ANGPT1: variants seen among roughly 807,000 people sequenced by gnomAD.
ANGPT1 encodes the protein angiopoietin 1.
ANGPT1 carries 17 observed loss-of-function variants against 62.2 expected under a neutral mutation model. The ratio of observed to expected loss-of-function variants is 0.27; its 90% confidence interval spans 0.19 to 0.41. ANGPT1 has a LOEUF of 0.41. Ranked by LOEUF, ANGPT1 falls within the 10% of genes least tolerant of loss-of-function variation. ANGPT1 has a pLI of 1.00. For synonymous variants in ANGPT1, 199 were observed against 198.9 expected (o/e 1.00, Z 0.00); for missense variants, 478 against 594.9 (o/e 0.80, Z 2.04).
chr8:107,468,552 C>T (rs78384780), intron 1 of ANGPT1, among the ~76,000 whole-genome samples: 5,677 of 151,828 alleles, frequency 0.037, 154 homozygotes, highest in South Asian at 0.11. Context: ...ATATTAATAG[C>T]CAGATTAATA....
At chr8:107,279,683 A>C (rs1813951721) in intron 7 of ANGPT1, among the ~76,000 whole-genome samples, 1 of 151,692 alleles carries the variant, frequency 6.6e-6, no homozygotes, top group East Asian at 1.9e-4. Context: ...CATATCTTGA[A>C]TTTTTCCAAA....
At chr8:107,427,492 C>T (rs1458808343) in intron 1 of ANGPT1, among the ~76,000 whole-genome samples, 1 of 152,200 alleles carries the variant, frequency 6.6e-6, no homozygotes, top group African/African-American at 2.4e-5. Context: ...AGACGCTCTC[C>T]TGAAGATGCT....
At chr8:107,275,401 T>G (rs1813840760) in intron 7 of ANGPT1, among the ~76,000 whole-genome samples, 1 of 152,114 alleles carries the variant, frequency 6.6e-6, no homozygotes. Flanking sequence ...TAATCCCTCT[T>G]CTACCCCCAT....
intron 1 of ANGPT1, among the ~76,000 whole-genome samples, chr8:107,444,702 G>A (rs902206108): frequency 1.3e-5 from 2 of 152,066 alleles, no homozygotes; most frequent in African/African-American, 2.4e-5. Context: ...CTATCTACAG[G>A]TTCAGGCATC....
At chr8:107,317,819 T>C (rs1189179772) in intron 4 of ANGPT1, among the ~76,000 whole-genome samples, 1 of 151,912 alleles carries the variant, frequency 6.6e-6, no homozygotes, top group East Asian at 1.9e-4. Flanking sequence ...TTAGTAGAGA[T>C]GGGGTTTCAC....
chr8:107,389,435 A>G (rs539851270), intron 1 of ANGPT1, among the ~76,000 whole-genome samples: 1 of 152,218 alleles, frequency 6.6e-6, no homozygotes, highest in South Asian at 2.1e-4. Flanking sequence ...GGGGGACGGG[A>G]GGAGTAAATT....
chr8:107,355,385 C>A (rs1317004845), intron 1 of ANGPT1, among the ~76,000 whole-genome samples: 1 of 152,162 alleles, frequency 6.6e-6, no homozygotes. Flanking sequence ...ATCCATCATC[C>A]ATGCCATAGC....
intron 1 of ANGPT1, among the ~76,000 whole-genome samples, chr8:107,390,024 G>C (rs999747387): frequency 3.3e-5 from 5 of 151,474 alleles, no homozygotes; most frequent in Non-Finnish European, 5.9e-5. Flanking sequence ...AAAATGTCTG[G>C]TAAATTATGA....
chr8:107,462,619 T>A (rs1160889709), intron 1 of ANGPT1, among the ~76,000 whole-genome samples: 5 of 151,988 alleles, frequency 3.3e-5, no homozygotes, highest in African/African-American at 1.2e-4. Context: ...ATTTGGAAGG[T>A]CTTTTGGTAG....
At chr8:107,363,369 A>G (rs1816207547) in intron 1 of ANGPT1, among the ~76,000 whole-genome samples, 1 of 152,212 alleles carries the variant, frequency 6.6e-6, no homozygotes, top group Non-Finnish European at 1.5e-5. Flanking sequence ...GTGTAACTGC[A>G]TATACAGTTA....
intron 4 of ANGPT1, among the ~76,000 whole-genome samples, chr8:107,319,570 TTA>T (rs1261688117): frequency 2.0e-5 from 3 of 151,698 alleles, no homozygotes; most frequent in Non-Finnish European, 4.4e-5. Context: ...AATAATAAAT[TTA>T]TATGATATAT....
intron 1 of ANGPT1, among the ~76,000 whole-genome samples, chr8:107,387,424 T>G (rs1479042465): frequency 6.6e-6 from 1 of 152,082 alleles, no homozygotes; most frequent in Non-Finnish European, 1.5e-5. Context: ...CCTTTCTGTG[T>G]GCACTGCAAA....
At chr8:107,303,393 AAT>A in intron 4 of ANGPT1, 26 bp from the exon 5 acceptor site, 1 of 1,554,616 alleles carries the variant, frequency 6.4e-7, no homozygotes, top group Non-Finnish European at 8.7e-7. Flanking sequence ...AAAAGATTGC[AAT>A]ATGTGAATAT....
At chr8:107,335,803 T>C (rs1454979090) in intron 3 of ANGPT1, among the ~76,000 whole-genome samples, 2 of 152,194 alleles carry the variant, frequency 1.3e-5, no homozygotes, top group Admixed American at 6.5e-5. Context: ...TCTGTTGTTA[T>C]AGGTTTTCAT....
At position 107,497,684 on chromosome 8, in the gene ANGPT1, C is replaced by G. The variant is rs1403682111; in HGVS notation, c.-126G>C. ...TTGACTCTTTCCCCCTCAAAGAAAG[C>G]GTTTGAAGAAGAATCATAGAAAACT... On this transcript the variant is annotated 5_prime_UTR_variant, in exon 1 of 9. Transcript: ENST00000517746. The G allele has an allele frequency of 3.2e-5, 34 of 1,070,612 alleles. No individual in the cohort carries two copies. The highest frequency in any genetic ancestry group is 4.1e-5 in the Non-Finnish European group (32 of 774,194). 66.3% of individuals were successfully genotyped at this position (1,070,612 alleles called of 1,614,324 possible). A position where few individuals can be genotyped will look rare whatever the true frequency, so the allele number is the denominator to read the frequency against.
At chr8:107,291,612 C>T (rs1814277770) in intron 6 of ANGPT1, among the ~76,000 whole-genome samples, 1 of 151,962 alleles carries the variant, frequency 6.6e-6, no homozygotes, top group Admixed American at 6.5e-5. Flanking sequence ...GGGGTTTCAC[C>T]ATATTGGCCA....
intron 1 of ANGPT1, among the ~76,000 whole-genome samples, chr8:107,475,494 C>A (rs76109203): frequency 0.1 from 15,481 of 152,098 alleles, 1,124 homozygotes; most frequent in East Asian, 0.44. Context: ...TAGAAGAAAA[C>A]CTAGGCAATA....
intron 1 of ANGPT1, among the ~76,000 whole-genome samples, chr8:107,481,835 C>T (rs1314656550): frequency 6.6e-6 from 1 of 152,144 alleles, no homozygotes; most frequent in Non-Finnish European, 1.5e-5. Context: ...AACTCACCCA[C>T]TCTCATGAGA....
At chr8:107,432,576 A>G (rs1811219111) in intron 1 of ANGPT1, among the ~76,000 whole-genome samples, 1 of 151,494 alleles carries the variant, frequency 6.6e-6, no homozygotes, top group South Asian at 2.1e-4. Flanking sequence ...AGGCAGGAGA[A>G]TGGCGTGAAC....
Sources: gnomAD v4.1 joint callset for allele counts (sites outside exome capture counted in the v4.1 genomes callset) on GRCh38, gnomAD v4.1.1 for gene constraint, MANE v1.5 for transcripts, NCBI Gene and HGNC (gene_info 2026-07-23, HGNC 2026-07-21) for gene names.